ANXA7: variants seen among roughly 807,000 people sequenced by gnomAD.
The protein encoded by ANXA7 is annexin A7.
Under a neutral mutation model 64.9 loss-of-function variants are expected in ANXA7, and 55 were observed. The ratio of observed to expected loss-of-function variants is 0.85; its 90% CI spans 0.68 to 1.06. The LOEUF (loss-of-function observed/expected upper bound fraction) is 1.06, where lower values mean the gene tolerates loss of function less well. ANXA7 is among the 50% of genes least tolerant of loss of function. The pLI, the probability that ANXA7 is intolerant of heterozygous loss-of-function variation, is 0.00. For synonymous variants in ANXA7, 200 were observed against 192.4 expected, an observed-to-expected ratio of 1.04 and a Z score of -0.33; for missense variants, 548 against 582.1, an observed-to-expected ratio of 0.94 and a Z score of 0.60.
chr10:73,388,349 T>C lies in ANXA7; in HGVS notation c.501A>G (p.Arg167=), dbSNP rs923890694. 6.2e-7 allele frequency: 1 copy of C among 1,614,090 alleles called. No individual in the cohort carries two copies. The highest frequency in any genetic ancestry group is 8.5e-7 in the Non-Finnish European group (1 of 1,179,952). The change falls in exon 6 of 13, where the codon AGA becomes AGG. Residue 167 remains arginine, a synonymous_variant. Transcript: ENST00000372921. The part of the protein sequence containing the change: ...IRPAANFDAI[R]DAEILRKAMK... ...TTGCCTTACGAAGAATTTCTGCATC[T>C]CTTATAGCATCGAAGTTGGCAGCTG...
intron 1 of ANXA7, among the ~76,000 whole-genome samples, chr10:73,410,920 T>C (rs531313971): frequency 6.6e-6 from 1 of 152,200 alleles, no homozygotes; most frequent in South Asian, 2.1e-4. Context: ...AGATCTACCA[T>C]TCAATCCAGA....
chr10:73,407,388 T>C (rs1439871525), intron 1 of ANXA7, among the ~76,000 whole-genome samples: 1 of 152,172 alleles, frequency 6.6e-6, no homozygotes, highest in African/African-American at 2.4e-5. Context: ...CAAACTTTAA[T>C]GTGTATATGA....
In ANXA7 at chr10:73,380,172, G is replaced by C; in HGVS notation, c.948C>G (p.Asn316Lys). ...GAGCATCTTCCTGAGCCATTTGGTG[G>C]TTTATACTCTGGTTCTCATCACGAT... is the stretch of plus-strand genomic sequence containing the variant. Reference protein sequence around the residue: ...QGNRDENQSINHQMAQEDAQR... With the variant: ...QGNRDENQSIKHQMAQEDAQR... The change falls in exon 10 of 13, where the codon AAC (asparagine) becomes AAG (lysine). Residue 316 changes from asparagine (N) to lysine (K), a missense_variant. Transcript: ENST00000372921. The C allele has an allele frequency of 6.2e-7, 1 of 1,613,850 alleles. No individual in the cohort carries two copies. The highest frequency in any genetic ancestry group is 8.5e-7 in the Non-Finnish European group (1 of 1,179,952).
At chr10:73,380,001 A>T in intron 10 of ANXA7, 30 bp downstream of exon 10, 1 of 1,611,846 alleles carries the variant, frequency 6.2e-7, no homozygotes, top group African/African-American at 1.3e-5. Context: ...CTTACAGCAG[A>T]AGCCAAATCT....
chr10:73,391,369 G>A (rs1219491456), intron 5 of ANXA7, among the ~76,000 whole-genome samples: 1 of 151,490 alleles, frequency 6.6e-6, no homozygotes, highest in Non-Finnish European at 1.5e-5. Context: ...CCAGCATTTT[G>A]GGAGGCTGAG....
Position 73,376,065 on chromosome 10 carries a change from T to G in ANXA7, c.*30A>C. The G allele has an allele frequency of 2.0e-6, 3 of 1,509,190 alleles. No individual in the cohort carries two copies. Among genetic ancestry groups the G allele is most frequent in the South Asian group, 1.3e-5 (1 of 75,776 alleles). 93.5% of individuals were successfully genotyped at this position (1,509,190 alleles called of 1,614,324 possible). On this transcript the variant is annotated 3_prime_UTR_variant, in exon 13 of 13. Transcript: ENST00000372921. ...TGAAGGATAAGCTATGAATAGAAAT[T>G]TTTTTTCATTAAAAAAAAAAAAATC...
intron 5 of ANXA7, among the ~76,000 whole-genome samples, chr10:73,396,313 T>G (rs1029149453): frequency 1.3e-5 from 2 of 152,198 alleles, no homozygotes; most frequent in African/African-American, 4.8e-5. Context: ...CCTATGAGAA[T>G]AGACCTATGC....
chr10:73,390,707 TATATATATATATAAAA>T (rs57226782), intron 5 of ANXA7, among the ~76,000 whole-genome samples: 11,439 of 137,288 alleles, frequency 0.083, 668 homozygotes, highest in East Asian at 0.28. Flanking sequence ...TATATATATA[TATATATATATATAAAA>T]ATATATATAT....
At chr10:73,410,946 T>C (rs1229808054) in intron 1 of ANXA7, among the ~76,000 whole-genome samples, 1 of 152,126 alleles carries the variant, frequency 6.6e-6, no homozygotes, top group Admixed American at 6.6e-5. Context: ...CACTGCTGGG[T>C]ATCTACCCAA....
intron 1 of ANXA7, among the ~76,000 whole-genome samples, chr10:73,405,256 AG>A (rs2055736739): frequency 6.7e-6 from 1 of 148,782 alleles, no homozygotes; most frequent in African/African-American, 2.5e-5. Context: ...AAAAAAAAAA[AG>A]GCTGGGTGCA....
intron 8 of ANXA7, 116 bp from the exon 9 acceptor site, chr10:73,383,461 G>A: frequency 8.0e-7 from 1 of 1,250,036 alleles, no homozygotes. Flanking sequence ...TCAGATGGAT[G>A]ATGTGAAATA....
intron 1 of ANXA7, among the ~76,000 whole-genome samples, chr10:73,404,613 T>C (rs1453507811): frequency 2.0e-5 from 3 of 152,054 alleles, no homozygotes; most frequent in Admixed American, 2.0e-4. Flanking sequence ...CGCTGGGTGA[T>C]GAGTACATGG....
chr10:73,387,572 A>C, intron 7 of ANXA7, 117 bp downstream of exon 7: 1 of 807,120 alleles, frequency 1.2e-6, no homozygotes, highest in Non-Finnish European at 2.1e-6. Context: ...AGGTCTCTAA[A>C]GTCTAGTTGT....
intron 5 of ANXA7, among the ~76,000 whole-genome samples, chr10:73,393,439 C>T (rs529461325): frequency 1.5e-3 from 226 of 152,244 alleles, no homozygotes; most frequent in Middle Eastern, 0.01. Flanking sequence ...GGAGGCATCA[C>T]GCTACCTGAC....
At chr10:73,401,464 T>C (rs981369511) in intron 1 of ANXA7, among the ~76,000 whole-genome samples, 1 of 152,066 alleles carries the variant, frequency 6.6e-6, no homozygotes, top group Non-Finnish European at 1.5e-5. Flanking sequence ...CACATCTCAA[T>C]TCTACCACTA....
intron 9 of ANXA7, 148 bp from the exon 10 acceptor site, chr10:73,380,349 A>G (rs927289042): frequency 3.3e-5 from 24 of 734,694 alleles, no homozygotes; most frequent in Non-Finnish European, 4.7e-5. Flanking sequence ...GCTGGAGTGC[A>G]GTATCAACCT....
In ANXA7 at chr10:73,397,030, TTA is replaced by T. The variant is rs1478634366; in HGVS notation, c.370+132_370+133del. 9 of 495,792 alleles carry T rather than the reference TTA, an allele frequency of 1.8e-5. No individual in the cohort carries two copies. The East Asian group carries it at 2.9e-4, about 16-fold the overall frequency. The allele number at this position is 495,792 out of a possible 1,614,324, so 30.7% of individuals were successfully genotyped here. On this transcript the variant is annotated intron_variant, in intron 4 of 12. Coordinates refer to ENST00000372921, the MANE Select transcript of ANXA7 (RefSeq NM_001156.5). ...CAATTTAATATATTTCATAAAACCA[TTA>T]TGTTTAAAATTATTTATGGAAATAT...
chr10:73,388,403 C>T lies in ANXA7; in HGVS notation c.447G>A (p.Val149=), dbSNP rs140325381. 2 of 1,612,950 alleles carry T rather than the reference C, an allele frequency of 1.2e-6. No homozygotes were observed. The highest frequency in any genetic ancestry group is 3.3e-5 in the Admixed American group (2 of 59,992). ...QPTYPSQPAT[V]TQVTQGTIRP... is the part of the protein sequence containing the mutation. ...GGATAGTTCCTTGAGTGACCTGAGT[C>T]ACTGTGGCAGGCTGAAAATAAAAGG... The change falls in exon 6 of 13, where the codon GTG becomes GTA. Residue 149 remains valine (V), a synonymous_variant. Transcript: ENST00000372921.
chr10:73,388,209 C>T, intron 6 of ANXA7, 103 bp downstream of exon 6: 2 of 797,320 alleles, frequency 2.5e-6, no homozygotes, highest in East Asian at 2.7e-5. Flanking sequence ...GGTATGCGCA[C>T]CCAGGCTGAC....
Sources: allele counts gnomAD v4.1 joint callset (sites outside exome capture counted in the v4.1 genomes callset), GRCh38; gene constraint gnomAD v4.1.1; transcripts MANE v1.5; gene names NCBI Gene and HGNC (gene_info 2026-07-23, HGNC 2026-07-21).